OSBPL9: variants seen among roughly 807,000 people sequenced by gnomAD.
OSBPL9 encodes oxysterol binding protein like 9.
OSBPL9 carries 40 observed loss-of-function variants against 106.6 expected under a neutral mutation model. The observed-to-expected ratio is 0.38, with a 90% CI of 0.29 to 0.49. The LOEUF (loss-of-function observed/expected upper bound fraction) is 0.49, where lower values mean the gene tolerates loss of function less well. Ranked by LOEUF, OSBPL9 falls within the 20% of genes least tolerant of loss-of-function variation. The probability of loss-of-function intolerance (pLI) is 0.97; values close to 1 mark genes in which losing one functional copy is unlikely to be tolerated. For missense variants in OSBPL9, 609 were observed against 887.2 expected (o/e 0.69, Z 3.98); for synonymous variants, 269 against 295.4 (o/e 0.91, Z 0.92).
chr1:51,767,542 G>C (rs1672827178), intron 12 of OSBPL9, among the ~76,000 whole-genome samples: 1 of 152,058 alleles, frequency 6.6e-6, no homozygotes, highest in African/African-American at 2.4e-5. Flanking sequence ...CTATAGCTAG[G>C]GTTTTTGCTT....
the OSBPL9 span, among the ~76,000 whole-genome samples, chr1:51,521,581 AGCACACCTTACCCAGGCATGGTG>A: frequency 6.9e-3 from 1,048 of 152,274 alleles, 13 homozygotes; most frequent in African/African-American, 0.024. Context: ...TTAAGTCAAA[AGCACACCTTACCCAGGCATGGTG>A]GCACATGCCT....
At chr1:51,621,610 C>T (rs1644443830) in intron 1 of OSBPL9, among the ~76,000 whole-genome samples, 1 of 152,036 alleles carries the variant, frequency 6.6e-6, no homozygotes, top group African/African-American at 2.4e-5. Flanking sequence ...ATCAAATATC[C>T]AGTCTGTTCA....
intron 2 of OSBPL9, among the ~76,000 whole-genome samples, chr1:51,602,018 CTTTT>C (rs758760414): frequency 4.3e-4 from 33 of 76,400 alleles, no homozygotes; most frequent in Admixed American, 3.9e-3. Context: ...TCTTGGGGTT[CTTTT>C]TTTTTTTTTT....
rs1677696774 is a variant in OSBPL9, at chr1:51,786,618, G to T, written c.2000+1G>T. 1 of 1,608,586 alleles carries T rather than the reference G, an allele frequency of 6.2e-7. No individual in the cohort carries two copies. The highest frequency in any genetic ancestry group is 1.1e-5 in the South Asian group (1 of 90,884). On this transcript the variant is annotated splice_donor_variant, in intron 22 of 23. Transcript: ENST00000428468. LOFTEE classifies it high-confidence loss of function. ...ATCAGAACGAGTATGAATCCCGCAG[G>T]TAAGCCGACATTGTTAAGTGGAACT...
chr1:51,723,128 A>G (rs1218646209), intron 4 of OSBPL9, among the ~76,000 whole-genome samples: 2 of 152,186 alleles, frequency 1.3e-5, no homozygotes, highest in African/African-American at 4.8e-5. Context: ...GTTTGTTACA[A>G]TTAATGAACC....
intron 12 of OSBPL9, among the ~76,000 whole-genome samples, chr1:51,770,103 T>C (rs191967463): frequency 2.6e-5 from 4 of 151,600 alleles, no homozygotes; most frequent in Non-Finnish European, 4.4e-5. Context: ...CCCCAGTAGC[T>C]GGAACCACAG....
chr1:51,570,112 C>T, the OSBPL9 span, among the ~76,000 whole-genome samples: 7 of 152,252 alleles, frequency 4.6e-5, no homozygotes, highest in Non-Finnish European at 8.8e-5. Flanking sequence ...CCTGTTTTTC[C>T]GAGGCTCCCC....
At chr1:51,690,230 C>A (rs1654674740) in intron 3 of OSBPL9, among the ~76,000 whole-genome samples, 1 of 152,130 alleles carries the variant, frequency 6.6e-6, no homozygotes, top group Admixed American at 6.6e-5. Flanking sequence ...GTGAGGCTTT[C>A]CATTGACTAG....
chr1:51,594,972 G>A (rs78651450), intron 1 of OSBPL9: 3,873 of 152,444 alleles, frequency 0.025, 72 homozygotes, highest in South Asian at 0.058. Context: ...TTCATCCTGC[G>A]GAACCTCGAG....
At chr1:51,787,557 T>C (rs1677990065) in intron 23 of OSBPL9, 69 bp downstream of exon 23, 6 of 1,607,538 alleles carry the variant, frequency 3.7e-6, no homozygotes, top group South Asian at 1.1e-5. Context: ...GTTGAAGAAG[T>C]GATGTGCCAA....
At chr1:51,575,845 G>C (rs776498676), upstream of OSBPL9, among the ~76,000 whole-genome samples, 32 of 152,264 alleles carry the variant, frequency 2.1e-4, no homozygotes, top group Non-Finnish European at 2.2e-4. Context: ...ATACCAAAAG[G>C]AAAGTAACAT....
At position 51,776,849 on chromosome 1, in the gene OSBPL9, T is replaced by G. The variant is rs1460671759; in HGVS notation, c.1187T>G (p.Phe396Cys). The stretch of plus-strand genomic sequence containing the variant: ...GTTTTTCAGGTAGTTCTTCCAACGT[T>G]TATTCTTGAAAGAAGATCTCTTTTA... Reference protein sequence around the residue: ...MDLTKVVLPTFILERRSLLEM... With the variant: ...MDLTKVVLPTCILERRSLLEM... Residue 396 changes from phenylalanine to cysteine, a missense_variant, in exon 15 of 24, where the codon TTT becomes TGT. By Grantham distance (205) the Phe-to-Cys change is radical (BLOSUM62 -2). Coordinates refer to ENST00000428468, the MANE Select transcript of OSBPL9 (RefSeq NM_024586.6). The G allele has an allele frequency of 6.2e-7, 1 of 1,611,302 alleles. No individual in the cohort carries two copies. The highest frequency in any genetic ancestry group is 2.2e-5 in the East Asian group (1 of 44,864).
chr1:51,640,519 A>C (rs1261737175), intron 1 of OSBPL9, among the ~76,000 whole-genome samples: 2 of 152,204 alleles, frequency 1.3e-5, no homozygotes, highest in African/African-American at 4.8e-5. Context: ...TTATTGTAAT[A>C]ATTTAAAATA....
intron 15 of OSBPL9, among the ~76,000 whole-genome samples, 156 bp downstream of exon 15, chr1:51,777,074 T>C (rs1675250822): frequency 6.6e-6 from 1 of 152,172 alleles, no homozygotes; most frequent in African/African-American, 2.4e-5. Flanking sequence ...GTTGCCTGTT[T>C]GCTTAAAGTT....
At chr1:51,660,967 G>GT (rs748135202) in intron 2 of OSBPL9, among the ~76,000 whole-genome samples, 1 of 152,134 alleles carries the variant, frequency 6.6e-6, no homozygotes, top group African/African-American at 2.4e-5. Flanking sequence ...CCTTTTAGTT[G>GT]TTGGACTTTT....
At chr1:51,664,038 G>C (rs1190568569) in intron 2 of OSBPL9, among the ~76,000 whole-genome samples, 1 of 152,178 alleles carries the variant, frequency 6.6e-6, no homozygotes, top group Non-Finnish European at 1.5e-5. Flanking sequence ...GAGTATAGCT[G>C]ACACAACCAC....
chr1:51,645,032 C>T (rs1041070995), intron 1 of OSBPL9, among the ~76,000 whole-genome samples: 5 of 152,162 alleles, frequency 3.3e-5, no homozygotes, highest in Non-Finnish European at 5.9e-5. Flanking sequence ...AACAGATCAA[C>T]GCCATCACAA....
At position 51,652,186 on chromosome 1, in the gene OSBPL9, CTCCAAG is replaced by C. The variant is rs551610960; in HGVS notation, c.162+147_162+152del. ...AAGTCTCAGAGAGAAAATGTGATTTCTCCAAGTAACTGTTAGTCAGTATCAGAACCA... is the reference window on the plus strand; with the variant it reads ...AAGTCTCAGAGAGAAAATGTGATTTCTAACTGTTAGTCAGTATCAGAACCA... On this transcript the variant is annotated intron_variant, in intron 2 of 23. Transcript: ENST00000428468. 5,067 of 600,904 alleles carry C rather than the reference CTCCAAG, an allele frequency of 8.4e-3. 42 individuals carry two copies. Among genetic ancestry groups the C allele is most frequent in the Non-Finnish European group, 0.011 (4,007 of 351,538 alleles). The allele number at this position is 600,904 out of a possible 1,614,324, so 37.2% of individuals were successfully genotyped here. A position where few individuals can be genotyped will look rare whatever the true frequency, so the allele number is the denominator to read the frequency against.
chr1:51,754,397 A>C (rs1669909297), intron 8 of OSBPL9, among the ~76,000 whole-genome samples: 1 of 152,246 alleles, frequency 6.6e-6, no homozygotes, highest in Non-Finnish European at 1.5e-5. Flanking sequence ...TTTCAATACA[A>C]TTAAAATCAG....
Sources: gnomAD v4.1 joint callset for allele counts (sites outside exome capture counted in the v4.1 genomes callset) on GRCh38, gnomAD v4.1.1 for gene constraint, MANE v1.5 for transcripts, NCBI Gene and HGNC (gene_info 2026-07-23, HGNC 2026-07-21) for gene names.